The following DSCAML1 variants were observed in gnomAD, a reference collection of about 807,000 sequenced individuals.
The protein encoded by DSCAML1 is cell adhesion molecule DSCAML1.
A neutral mutation model predicts 200.5 loss-of-function variants in DSCAML1; 38 were observed. The observed-to-expected ratio is 0.19, with a 90% CI of 0.15 to 0.25. The LOEUF (loss-of-function observed/expected upper bound fraction) is 0.25, where lower values mean the gene tolerates loss of function less well. Among genes scored for constraint, DSCAML1 ranks in the 10% least tolerant of loss-of-function variants. The probability of loss-of-function intolerance (pLI) is 1.00; values close to 1 mark genes in which losing one functional copy is unlikely to be tolerated. For missense variants in DSCAML1, 2,223 were observed against 2,858.8 expected (o/e 0.78, Z 5.07); for synonymous variants, 1,215 against 1,165.0 (o/e 1.04, Z -0.87).
chr11:117,533,989 A>G (rs2050124467), intron 3 of DSCAML1, among the ~76,000 whole-genome samples: 2 of 152,322 alleles, frequency 1.3e-5, no homozygotes, highest in South Asian at 4.1e-4. Flanking sequence ...GGATACTGAT[A>G]GTGACTTCAA....
chr11:117,743,736 ACACCTTGTGTTTATCC>A (rs2054465747), intron 3 of DSCAML1, among the ~76,000 whole-genome samples: 1 of 152,200 alleles, frequency 6.6e-6, no homozygotes, highest in Non-Finnish European at 1.5e-5. Context: ...AGCCAGACAA[ACACCTTGTGTTTATCC>A]CTAACAATTA....
chr11:117,724,880 T>C (rs2054098050), intron 3 of DSCAML1, among the ~76,000 whole-genome samples: 1 of 152,076 alleles, frequency 6.6e-6, no homozygotes, highest in Non-Finnish European at 1.5e-5. Context: ...ACAAGAGGCA[T>C]GGGGGAAAGG....
At chr11:117,440,605 C>T in intron 21 of DSCAML1, among the ~76,000 whole-genome samples, 1 of 152,114 alleles carries the variant, frequency 6.6e-6, no homozygotes. Context: ...AAAGCCGCCA[C>T]CAGAGGGTTA....
chr11:117,579,717 A>C (rs669226), intron 3 of DSCAML1, among the ~76,000 whole-genome samples: 32,606 of 152,190 alleles, frequency 0.21, 3,959 homozygotes, highest in South Asian at 0.47. Flanking sequence ...CTATGCAGTC[A>C]GTGACTTCAT....
At chr11:117,612,945 T>A (rs571669417) in intron 3 of DSCAML1, among the ~76,000 whole-genome samples, 1 of 152,254 alleles carries the variant, frequency 6.6e-6, no homozygotes, top group Admixed American at 6.5e-5. Context: ...CTTGGGCAAG[T>A]CACTTTCCAT....
At chr11:117,792,703 G>T (rs1821141989) in intron 1 of DSCAML1, among the ~76,000 whole-genome samples, 1 of 152,094 alleles carries the variant, frequency 6.6e-6, no homozygotes, top group African/African-American at 2.4e-5. Flanking sequence ...CCAGCTCCCT[G>T]CATTCTAGGG....
chr11:117,567,340 C>T (rs903179115), intron 3 of DSCAML1, among the ~76,000 whole-genome samples: 13 of 152,172 alleles, frequency 8.5e-5, no homozygotes, highest in African/African-American at 1.4e-4. Context: ...TGATGGTGAG[C>T]ATTTTTTCAT....
intron 3 of DSCAML1, among the ~76,000 whole-genome samples, chr11:117,545,739 C>CAGGGATGAGGT (rs1298664033): frequency 6.6e-6 from 1 of 152,138 alleles, no homozygotes; most frequent in Admixed American, 6.5e-5. Context: ...AGGCATCATC[C>CAGGGATGAGGT]AGGGATGAGG....
At chr11:117,771,307 G>C (rs1251656767) in intron 3 of DSCAML1, among the ~76,000 whole-genome samples, 1 of 152,208 alleles carries the variant, frequency 6.6e-6, no homozygotes, top group East Asian at 1.9e-4. Context: ...CCGTCCATCA[G>C]AGCCGACAAC....
intron 28 of DSCAML1, 46 bp from the exon 29 acceptor site, chr11:117,433,302 G>T (rs753634949): frequency 5.1e-6 from 8 of 1,577,630 alleles, no homozygotes; most frequent in Non-Finnish European, 6.9e-6. Flanking sequence ...GCCATAAGGG[G>T]TTGGGGAAGG....
chr11:117,730,547 A>C (rs1274208936), intron 3 of DSCAML1, among the ~76,000 whole-genome samples: 2 of 152,180 alleles, frequency 1.3e-5, no homozygotes, highest in African/African-American at 4.8e-5. Flanking sequence ...ATCAGAAGGA[A>C]AGATACCAAC....
chr11:117,653,289 G>A (rs1296242568), intron 3 of DSCAML1, among the ~76,000 whole-genome samples: 1 of 152,194 alleles, frequency 6.6e-6, no homozygotes, highest in African/African-American at 2.4e-5. Context: ...CAGCCATGAA[G>A]TGGATCCAGT....
intron 21 of DSCAML1, among the ~76,000 whole-genome samples, chr11:117,441,913 G>T (rs1045707929): frequency 2.6e-5 from 4 of 152,182 alleles, no homozygotes; most frequent in African/African-American, 9.7e-5. Context: ...CAGAGATCAG[G>T]TTCCAGACCT....
rs538762095 is a variant in DSCAML1 at position 117,633,030 on chromosome 11, T to C, written c.512-100508A>G. On this transcript the variant is annotated intron_variant, in intron 3 of 32. Coordinates refer to ENST00000651296, the MANE Select transcript of DSCAML1 (RefSeq NM_020693.4). ...AAGGACGGGCCTGGCAGGCTGTAAG[T>C]ATCCTTTCAACCCTGGGACACTGTC... 2.6e-5 allele frequency among the ~76,000 whole-genome samples: 4 copies of C among 152,284 alleles called. No individual in the cohort carries two copies. In the East Asian group the frequency reaches 7.7e-4, roughly 29 times the overall value.
intron 11 of DSCAML1, among the ~76,000 whole-genome samples, chr11:117,491,518 C>A (rs1173730734): frequency 6.6e-6 from 1 of 152,220 alleles, no homozygotes; most frequent in Non-Finnish European, 1.5e-5. Flanking sequence ...GTAATCCCAG[C>A]ACTTTGGGAG....
At chr11:117,633,160 C>G (rs2052208516) in intron 3 of DSCAML1, among the ~76,000 whole-genome samples, 1 of 152,032 alleles carries the variant, frequency 6.6e-6, no homozygotes, top group Admixed American at 6.5e-5. Context: ...GGGTGGTTGT[C>G]TGGGGACAGT....
chr11:117,632,303 C>T (rs920475850), intron 3 of DSCAML1, among the ~76,000 whole-genome samples: 3 of 152,128 alleles, frequency 2.0e-5, no homozygotes, highest in Non-Finnish European at 4.4e-5. Context: ...TCGAGAGAGG[C>T]CAGTTCATTT....
At chr11:117,735,899 C>G (rs2054308029) in intron 3 of DSCAML1, among the ~76,000 whole-genome samples, 1 of 152,146 alleles carries the variant, frequency 6.6e-6, no homozygotes. Flanking sequence ...ACCCAGCACC[C>G]AGCTAAGGGG....
rs550327375 is a variant in DSCAML1 at position 117,696,319 on chromosome 11, G to C, written c.511+80472C>G. 4.7e-4 allele frequency among the ~76,000 whole-genome samples: 71 copies of C among 152,324 alleles called. 1 individual carries two copies. The East Asian group carries it at 0.013, about 28-fold the overall frequency. On this transcript the variant is annotated intron_variant, in intron 3 of 32. Coordinates refer to ENST00000651296, the MANE Select transcript of DSCAML1 (RefSeq NM_020693.4). ...AGGAGGGCATCTCACCCCTGAGTGG[G>C]ATGTGAGCTGGTTTGGGGTATCGAG... is the stretch of plus-strand genomic sequence containing the variant.
Sources: allele counts gnomAD v4.1 joint callset (sites outside exome capture counted in the v4.1 genomes callset), GRCh38; gene constraint gnomAD v4.1.1; transcripts MANE v1.5; gene names NCBI Gene and HGNC (gene_info 2026-07-23, HGNC 2026-07-21).